L1CAM: variants seen among roughly 807,000 people sequenced by gnomAD.
L1CAM encodes the protein neural cell adhesion molecule L1.
A neutral mutation model predicts 93.0 loss-of-function variants in L1CAM; 8 were observed. That is an observed-to-expected ratio of 0.09 (90% CI 0.05 to 0.16). L1CAM has a LOEUF of 0.16. Ranked by LOEUF, L1CAM falls within the 10% of genes least tolerant of loss-of-function variation. The pLI, the probability that L1CAM is intolerant of heterozygous loss-of-function variation, is 1.00. For missense variants in L1CAM, 777 were observed against 1,073.4 expected (o/e 0.72, Z 3.86); for synonymous variants, 453 against 453.0 (o/e 1.00, Z 0.00).
chrX:153,868,811 C>T (rs963274572), intron 12 of L1CAM, 30 bp downstream of exon 12: 14 of 1,200,959 alleles, frequency 1.2e-5, no homozygotes, highest in Non-Finnish European at 1.6e-5. Context: ...TGGGACACGA[C>T]ACTCACCACT....
Position 153,862,562 on chromosome X carries a change from A to G in L1CAM, c.*101T>C, listed in dbSNP as rs2064672139. The G allele has an allele frequency of 1.5e-6, 1 of 651,325 alleles. No homozygotes were observed. The allele number at this position is 651,325 out of a possible 1,213,427, so 53.7% of individuals were successfully genotyped here. A position where few individuals can be genotyped will look rare whatever the true frequency, so the allele number is the denominator to read the frequency against. On this transcript the variant is annotated 3_prime_UTR_variant, in exon 29 of 29. Coordinates refer to ENST00000370060, the MANE Select transcript of L1CAM (RefSeq NM_001278116.2). ...GGTAGGAAGGGGATCCGAGGCAGCA[A>G]GTTCTCCTCTGCCCCAACTCCAGCC...
chrX:153,873,743 C>A (rs1557093894), intron 2 of L1CAM, among the ~76,000 whole-genome samples: 1 of 112,531 alleles, frequency 8.9e-6, no homozygotes, highest in Non-Finnish European at 1.9e-5. Context: ...GCCCTGCTGC[C>A]CCCTCCCCCT....
At chrX:153,883,746 C>T (rs2148506745) in intron 1 of L1CAM, 1 of 340,956 alleles carries the variant, frequency 2.9e-6, no homozygotes, top group Non-Finnish European at 5.9e-6. Context: ...TCCTGGCAGA[C>T]CTCCTCACAG....
chrX:153,875,526 G>GC (rs1251523763), intron 2 of L1CAM: 1 of 493,776 alleles, frequency 2.0e-6, no homozygotes, highest in Non-Finnish European at 3.7e-6. Context: ...TGCTGAAATC[G>GC]CCCCGGCGGC....
chrX:153,870,247 G>C lies in L1CAM; in HGVS notation c.807-7C>G, dbSNP rs782340959. On this transcript the variant is annotated splice_region_variant and splice_polypyrimidine_tract_variant and intron_variant, in intron 8 of 28. Transcript: ENST00000370060. ...TTTGATGGTGGGCGTGGGACTGCCC[G>C]GGAGGCAAAGGGAAGAGAGCAGAAG... 3.3e-6 allele frequency: 4 copies of C among 1,206,208 alleles called. No homozygotes were observed. The African/African-American group carries it at 7.0e-5, about 21-fold the overall frequency.
At chrX:153,876,100 G>A (rs2064812462) in intron 1 of L1CAM, 156 bp from the exon 2 acceptor site, 1 of 419,310 alleles carries the variant, frequency 2.4e-6, no homozygotes, top group Non-Finnish European at 4.1e-6. Context: ...CTCCCCATCC[G>A]CACCCCTCCC....
intron 1 of L1CAM, among the ~76,000 whole-genome samples, chrX:153,883,441 G>GT (rs1557096139): frequency 1.8e-5 from 2 of 110,132 alleles, no homozygotes; most frequent in African/African-American, 6.6e-5. Context: ...AGAGAGCAGG[G>GT]GGGCGGGGGA....
At chrX:153,883,128 G>T (rs2064854541) in intron 1 of L1CAM, among the ~76,000 whole-genome samples, 1 of 111,943 alleles carries the variant, frequency 8.9e-6, no homozygotes, top group African/African-American at 3.3e-5. Flanking sequence ...CCAGCAGAAG[G>T]GTGCTGAGTG....
At chrX:153,871,945 C>G (rs1557093292) in intron 5 of L1CAM, among the ~76,000 whole-genome samples, 1 of 102,491 alleles carries the variant, frequency 9.8e-6, no homozygotes, top group African/African-American at 3.6e-5. Flanking sequence ...CATGAGATGA[C>G]CGGAAGTGCA....
At chrX:153,870,329 C>A (rs2064756667) in intron 8 of L1CAM, 59 bp downstream of exon 8, 2 of 1,180,661 alleles carry the variant, frequency 1.7e-6, no homozygotes, top group African/African-American at 3.5e-5. Flanking sequence ...GGTCTGAGCT[C>A]CCTGCTAGGG....
At chrX:153,882,299 C>A (rs914776727) in intron 1 of L1CAM, among the ~76,000 whole-genome samples, 1 of 110,872 alleles carries the variant, frequency 9.0e-6, no homozygotes, top group African/African-American at 3.3e-5. Flanking sequence ...GGGAACCCCC[C>A]TCCACTGAAG....
At position 153,864,721 on chromosome X, in the gene L1CAM, G is replaced by A. The variant is rs1357489536; in HGVS notation, c.3047-17C>T. ...CTGAGATCCCTGGGGGGATGCAGGG[G>A]AACGAGGAGAGTGTGGCAGCTGCCA... is the stretch of plus-strand genomic sequence containing the variant. On this transcript the variant is annotated splice_polypyrimidine_tract_variant and intron_variant, in intron 23 of 28. Transcript: ENST00000370060. 5.0e-6 allele frequency: 6 copies of A among 1,210,872 alleles called. No homozygotes were observed. The South Asian group carries it at 7.0e-5, about 14-fold the overall frequency.
At chrX:153,877,287 C>CAAAAAAA (rs34384910) in intron 1 of L1CAM, among the ~76,000 whole-genome samples, 7 of 12,819 alleles carry the variant, frequency 5.5e-4, no homozygotes, top group Non-Finnish European at 6.8e-4. Flanking sequence ...ACTAAAAATA[C>CAAAAAAA]AAAAAAAAAA....
In L1CAM at chrX:153,864,326, G is replaced by A; in HGVS notation, c.3318C>T (p.Gly1106=). 8.3e-7 allele frequency: 1 copy of A among 1,211,344 alleles called. No homozygotes were observed. The highest frequency in any genetic ancestry group is 1.1e-6 in the Non-Finnish European group (1 of 895,212). ...FRHQMAVKTN[G]TGRVRLPPAG... ...GGCGGGCCCCCGGCGCCTCACCTGT[G>A]CCATTGGTCTTCACAGCCATTTGGT... The change falls in exon 25 of 29, where the codon GGC becomes GGT. Residue 1106 remains glycine, a synonymous_variant. Transcript: ENST00000370060.
chrX:153,885,546 T>TGCAATGGGGGGAGGGGAGTGAA, intron 1 of L1CAM: 1 of 402,387 alleles, frequency 2.5e-6, no homozygotes, highest in Non-Finnish European at 3.8e-6. Flanking sequence ...TTCACTCCCC[T>TGCAATGGGGGGAGGGGAGTGAA]CCCCCCATTG....
At chrX:153,863,737 G>T in intron 26 of L1CAM, 146 bp downstream of exon 26, 2 of 935,704 alleles carry the variant, frequency 2.1e-6, no homozygotes, top group East Asian at 3.3e-5. Context: ...GGCCTGGGAG[G>T]ATGATCCCCC....
chrX:153,885,423 C>T (rs782537921), intron 1 of L1CAM: 2 of 979,483 alleles, frequency 2.0e-6, no homozygotes, highest in Admixed American at 6.1e-5. Flanking sequence ...CCTGGCTCTG[C>T]GGCAGGTTTT....
At position 153,867,808 on chromosome X, in the gene L1CAM, G is replaced by A; in HGVS notation, c.1931C>T (p.Pro644Leu). ...GAGCTCAAGCCTCTTACTCTCAATG[G>A]GGGCATTGTGGTCTTCTGCAGGACT... is the stretch of plus-strand genomic sequence containing the variant. ...SWSPAEDHNA[P>L]IEKYDIEFED... Residue 644 changes from proline to leucine, a missense_variant, in exon 16 of 29, where the codon CCC becomes CTC. Physicochemically the swap from Pro to Leu is moderately conservative, Grantham distance 98 (BLOSUM62 -3). Coordinates refer to ENST00000370060, the MANE Select transcript of L1CAM (RefSeq NM_001278116.2). 1.7e-6 allele frequency: 2 copies of A among 1,205,837 alleles called. No individual in the cohort carries two copies. Among genetic ancestry groups the A allele is most frequent in the Non-Finnish European group, 2.2e-6 (2 of 890,846 alleles).
chrX:153,864,592 G>A lies in L1CAM; in HGVS notation c.3159C>T (p.Ala1053=). Residue 1053 remains alanine, a synonymous_variant, in exon 24 of 29, where the codon GCC becomes GCT. Coordinates refer to ENST00000370060, the MANE Select transcript of L1CAM (RefSeq NM_001278116.2). ...GCCCCCTTTCACGCTTACCTCCCAA[G>A]GCTTTGAACAAGATATGGAACCTGA... is the stretch of plus-strand genomic sequence containing the variant. ...CNFRFHILFK[A]LGEEKGGASL... 8.3e-7 allele frequency: 1 copy of A among 1,204,485 alleles called. No homozygotes were observed. Among genetic ancestry groups the A allele is most frequent in the South Asian group, 1.8e-5 (1 of 56,749 alleles).
Sources: allele counts gnomAD v4.1 joint callset (sites outside exome capture counted in the v4.1 genomes callset), GRCh38; gene constraint gnomAD v4.1.1; transcripts MANE v1.5; gene names NCBI Gene and HGNC (gene_info 2026-07-23, HGNC 2026-07-21).